IGF1R: variants seen among roughly 807,000 people sequenced by gnomAD.
IGF1R encodes the protein insulin like growth factor 1 receptor, also known as insulin-like growth factor 1 receptor.
Under a neutral mutation model 144.6 loss-of-function variants are expected in IGF1R, and 44 were observed. The observed-to-expected ratio is 0.30, with a 90% CI of 0.24 to 0.39. IGF1R has a LOEUF of 0.39. IGF1R is among the 10% of genes least tolerant of loss of function. The probability of loss-of-function intolerance (pLI) is 1.00; values close to 1 mark genes in which losing one functional copy is unlikely to be tolerated. For synonymous variants in IGF1R, 795 were observed against 722.8 expected, an observed-to-expected ratio of 1.10 and a Z score of -1.60; for missense variants, 1,355 against 1,833.7, an observed-to-expected ratio of 0.74 and a Z score of 4.77.
chr15:98,923,659 T>G, intron 11 of IGF1R: 3 of 577,668 alleles, frequency 5.2e-6, no homozygotes, highest in Non-Finnish European at 6.2e-6. Flanking sequence ...TGGTGTATTC[T>G]GAACCCTCCG....
rs1001420512 is a variant in IGF1R at position 98,958,016 on chromosome 15, C to T, written c.*574C>T. On this transcript the variant is annotated 3_prime_UTR_variant, in exon 21 of 21. Coordinates refer to ENST00000650285, the MANE Select transcript of IGF1R (RefSeq NM_000875.5). Reference sequence around the variant, plus strand: ...TCATCCAAGGCTGTTACCATTTTAACGCTGCCTAATTTTGCCAAAATCCTG... The same window carrying T: ...TCATCCAAGGCTGTTACCATTTTAATGCTGCCTAATTTTGCCAAAATCCTG... The T allele has an allele frequency of 1.3e-4, 30 of 234,124 alleles. No homozygotes were observed. Among genetic ancestry groups the T allele is most frequent in the South Asian group, 1.8e-4 (1 of 5,554 alleles). 14.5% of individuals were successfully genotyped at this position (234,124 alleles called of 1,614,324 possible).
intron 2 of IGF1R, among the ~76,000 whole-genome samples, chr15:98,743,265 C>T (rs1030274610): frequency 2.6e-5 from 4 of 152,116 alleles, no homozygotes; most frequent in African/African-American, 9.7e-5. Flanking sequence ...AACTGTGTTT[C>T]CATGACACAG....
At chr15:98,787,767 C>A (rs1013356905) in intron 2 of IGF1R, among the ~76,000 whole-genome samples, 2 of 152,178 alleles carry the variant, frequency 1.3e-5, no homozygotes, top group Non-Finnish European at 2.9e-5. Flanking sequence ...CAAATAGTAT[C>A]CTCAACTCAG....
chr15:98,951,503 G>GTAA (rs1237334594), intron 20 of IGF1R, among the ~76,000 whole-genome samples: 1 of 152,260 alleles, frequency 6.6e-6, no homozygotes, highest in African/African-American at 2.4e-5. Flanking sequence ...AAGAGCAACA[G>GTAA]TAAACATGTA....
intron 2 of IGF1R, among the ~76,000 whole-genome samples, chr15:98,841,467 C>G (rs2141531824): frequency 6.6e-6 from 1 of 152,264 alleles, no homozygotes; most frequent in African/African-American, 2.4e-5. Context: ...TAAGTATCAG[C>G]TAGAGAGAGA....
rs562843972 is a variant in IGF1R at position 98,894,546 on chromosome 15, C to G, written c.954-2211C>G. 3.9e-5 allele frequency among the ~76,000 whole-genome samples: 6 copies of G among 152,302 alleles called. No individual in the cohort carries two copies. In the South Asian group the frequency reaches 1.2e-3, roughly 32 times the overall value. The stretch of plus-strand genomic sequence containing the variant: ...GGATGGATCTCAAGGACATTATGCT[C>G]TGTGAAAAAGCCAACCTCAAAAGAT... On this transcript the variant is annotated intron_variant, in intron 3 of 20. Transcript: ENST00000650285.
intron 2 of IGF1R, among the ~76,000 whole-genome samples, chr15:98,803,575 A>G (rs1029251426): frequency 2.4e-4 from 36 of 151,684 alleles, no homozygotes; most frequent in African/African-American, 8.7e-4. Flanking sequence ...GTGCAATCAC[A>G]GCTCACTGCA....
rs770637082 is a variant in IGF1R, at chr15:98,957,274, C to G, written c.3936C>G (p.Ser1312=). 1 of 1,614,002 alleles carries G rather than the reference C, an allele frequency of 6.2e-7. No homozygotes were observed. The highest frequency in any genetic ancestry group is 8.5e-7 in the Non-Finnish European group (1 of 1,179,942). Residue 1312 remains serine (S), a synonymous_variant, in exon 21 of 21, where the codon TCC becomes TCG. Transcript: ENST00000650285. ...CCCTGGACCCCTCGGCCTCCTCGTC[C>G]TCCCTGCCACTGCCCGACAGACACT... ...SVPLDPSASS[S]SLPLPDRHSG...
chr15:98,755,117 T>C (rs141085174), intron 2 of IGF1R, among the ~76,000 whole-genome samples: 3 of 152,344 alleles, frequency 2.0e-5, no homozygotes, highest in African/African-American at 7.2e-5. Context: ...AGGAAAGATA[T>C]ATGCATATAT....
Position 98,899,550 on chromosome 15 carries a change from T to C in IGF1R, c.1176T>C (p.His392=). ...EVVTGYVKIR[H]SHALVSLSFL... ...TGACGGGCTACGTGAAGATCCGCCATTCTCATGCCTTGGTCTCCTTGTCCT... is the reference window on the plus strand; with the variant it reads ...TGACGGGCTACGTGAAGATCCGCCACTCTCATGCCTTGGTCTCCTTGTCCT... The change falls in exon 5 of 21, where the codon CAT becomes CAC. Residue 392 remains histidine, a synonymous_variant. Transcript: ENST00000650285. 1.9e-6 allele frequency: 3 copies of C among 1,614,176 alleles called. No homozygotes were observed. The highest frequency in any genetic ancestry group is 2.5e-6 in the Non-Finnish European group (3 of 1,180,000).
chr15:98,843,760 G>T (rs1002632247), intron 2 of IGF1R, among the ~76,000 whole-genome samples: 2 of 151,970 alleles, frequency 1.3e-5, no homozygotes, highest in Non-Finnish European at 2.9e-5. Context: ...CTTCAGAGTG[G>T]GATTGTTTTT....
At chr15:98,805,265 A>G (rs946200034) in intron 2 of IGF1R, among the ~76,000 whole-genome samples, 1 of 152,138 alleles carries the variant, frequency 6.6e-6, no homozygotes, top group African/African-American at 2.4e-5. Flanking sequence ...AGCAAAAAGA[A>G]TTCTGATAGG....
At chr15:98,661,957 T>C (rs63749305) in intron 1 of IGF1R, among the ~76,000 whole-genome samples, 12 of 22,602 alleles carry the variant, frequency 5.3e-4, no homozygotes, top group East Asian at 2.6e-3. Flanking sequence ...AATAGGGCCC[T>C]TTTTTTTTTT....
chr15:98,960,192 G>A lies in IGF1R; in HGVS notation c.*2750G>A. 4.3e-6 allele frequency: 1 copy of A among 233,734 alleles called. No individual in the cohort carries two copies. The highest frequency in any genetic ancestry group is 8.5e-6 in the Non-Finnish European group (1 of 118,074). 14.5% of individuals were successfully genotyped at this position (233,734 alleles called of 1,614,324 possible). On this transcript the variant is annotated 3_prime_UTR_variant, in exon 21 of 21. Transcript: ENST00000650285. ...CAGGCGCCACACCCAGGTGATGCAG[G>A]GGGAAGCCAGGCTGTATTCCGGGGT... is the stretch of plus-strand genomic sequence containing the variant.
At chr15:98,899,881 G>A (rs1224513440) in intron 5 of IGF1R, among the ~76,000 whole-genome samples, 3 of 152,192 alleles carry the variant, frequency 2.0e-5, no homozygotes, top group African/African-American at 7.2e-5. Context: ...GTGTCTGACT[G>A]TGACCAGTGA....
At chr15:98,824,107 T>G (rs1228431354) in intron 2 of IGF1R, 1 of 152,162 alleles carries the variant, frequency 6.6e-6, no homozygotes, top group Non-Finnish European at 1.5e-5. Context: ...GTATTGTCAT[T>G]CTCGGGGCTG....
chr15:98,755,852 A>G (rs373109587), intron 2 of IGF1R, among the ~76,000 whole-genome samples: 2 of 149,492 alleles, frequency 1.3e-5, no homozygotes, highest in Admixed American at 6.7e-5. Context: ...TAAGTTGTGT[A>G]TACTCATTCA....
At chr15:98,670,621 TGGAAGA>T (rs2052863891) in intron 1 of IGF1R, among the ~76,000 whole-genome samples, 1 of 152,214 alleles carries the variant, frequency 6.6e-6, no homozygotes, top group Admixed American at 6.5e-5. Context: ...GGATGTCTGA[TGGAAGA>T]GATAGAAGAC....
In IGF1R at chr15:98,939,275, A is replaced by G. The variant is rs765508308; in HGVS notation, c.3372A>G (p.Ala1124=). 39 of 1,613,746 alleles carry G rather than the reference A, an allele frequency of 2.4e-5. No individual in the cohort carries two copies. The highest frequency in any genetic ancestry group is 1.6e-4 in the Middle Eastern group (1 of 6,082). ...CCGGAGAGATTGCAGACGGCATGGCATACCTCAACGCCAATAAGTTCGTCC... is the reference window on the plus strand; with the variant it reads ...CCGGAGAGATTGCAGACGGCATGGCGTACCTCAACGCCAATAAGTTCGTCC... The part of the protein sequence containing the change: ...QMAGEIADGM[A]YLNANKFVHR... The change falls in exon 18 of 21, where the codon GCA becomes GCG. Residue 1124 remains alanine, a synonymous_variant. Coordinates refer to ENST00000650285, the MANE Select transcript of IGF1R (RefSeq NM_000875.5).
Sources: allele counts gnomAD v4.1 joint callset (sites outside exome capture counted in the v4.1 genomes callset), GRCh38; gene constraint gnomAD v4.1.1; transcripts MANE v1.5; gene names NCBI Gene and HGNC (gene_info 2026-07-23, HGNC 2026-07-21).